GRM7: variants seen among roughly 807,000 people sequenced by gnomAD.
GRM7 encodes glutamate metabotropic receptor 7, also known as metabotropic glutamate receptor 7.
GRM7 carries 35 observed loss-of-function variants against 84.5 expected under a neutral mutation model. The ratio of observed to expected loss-of-function variants is 0.41; its 90% confidence interval spans 0.32 to 0.55. The LOEUF is 0.55. Ranked by LOEUF, GRM7 falls within the 20% of genes least tolerant of loss-of-function variation. The pLI, the probability that GRM7 is intolerant of heterozygous loss-of-function variation, is 0.19. For synonymous variants in GRM7, 487 were observed against 455.1 expected (o/e 1.07, Z -0.89); for missense variants, 1,003 against 1,194.6 (o/e 0.84, Z 2.36).
chr3:7,038,497 TCCTCA>T (rs1696467986), intron 1 of GRM7, among the ~76,000 whole-genome samples: 2 of 152,066 alleles, frequency 1.3e-5, no homozygotes, highest in African/African-American at 4.8e-5. Flanking sequence ...CCTATGAAAA[TCCTCA>T]GCTTTAAGTG....
intron 1 of GRM7, among the ~76,000 whole-genome samples, chr3:7,085,769 T>C (rs1457193013): frequency 6.6e-6 from 1 of 152,068 alleles, no homozygotes; most frequent in African/African-American, 2.4e-5. Context: ...TAGAAAAATA[T>C]GCACACCCTT....
chr3:7,444,394 A>AGGAAAT (rs1697418733), intron 5 of GRM7, among the ~76,000 whole-genome samples: 1 of 152,216 alleles, frequency 6.6e-6, no homozygotes, highest in South Asian at 2.1e-4. Context: ...GCTTAGGAGA[A>AGGAAAT]GGAAATCTAT....
intron 1 of GRM7, among the ~76,000 whole-genome samples, chr3:7,015,032 C>A (rs182032921): frequency 6.6e-6 from 1 of 152,060 alleles, no homozygotes; most frequent in East Asian, 1.9e-4. Flanking sequence ...TAGAATGGAC[C>A]GATCAGCACT....
intron 4 of GRM7, among the ~76,000 whole-genome samples, chr3:7,337,153 A>G (rs2125073396): frequency 6.6e-6 from 1 of 152,242 alleles, no homozygotes; most frequent in South Asian, 2.1e-4. Flanking sequence ...AAAGCAAACA[A>G]ACATAAAATG....
At chr3:7,442,104 C>G (rs78709662) in intron 5 of GRM7, among the ~76,000 whole-genome samples, 440 of 151,982 alleles carry the variant, frequency 2.9e-3, no homozygotes, top group East Asian at 0.02. Flanking sequence ...TTGATTCTTC[C>G]TATTCATGGA....
intron 1 of GRM7, among the ~76,000 whole-genome samples, chr3:7,094,644 A>G (rs1698790252): frequency 6.6e-6 from 1 of 152,204 alleles, no homozygotes; most frequent in African/African-American, 2.4e-5. Flanking sequence ...TTCATAGGCA[A>G]TAGAACTATG....
At chr3:6,893,340 A>G (rs1196281846) in intron 1 of GRM7, among the ~76,000 whole-genome samples, 1 of 152,170 alleles carries the variant, frequency 6.6e-6, no homozygotes, top group East Asian at 1.9e-4. Flanking sequence ...TAATATTAAT[A>G]TAAAGTAAAT....
intron 1 of GRM7, among the ~76,000 whole-genome samples, chr3:6,900,385 C>T (rs9856655): frequency 2.5e-4 from 38 of 151,944 alleles, no homozygotes; most frequent in Admixed American, 2.6e-4. Context: ...AACCATCTGG[C>T]GAATAATACA....
intron 1 of GRM7, among the ~76,000 whole-genome samples, chr3:7,014,861 G>T (rs1252262910): frequency 2.0e-5 from 3 of 152,142 alleles, no homozygotes; most frequent in Admixed American, 6.6e-5. Context: ...GAACTTTTCT[G>T]TCTTACAAGA....
At chr3:7,040,061 T>G (rs1023179140) in intron 1 of GRM7, among the ~76,000 whole-genome samples, 47 of 152,188 alleles carry the variant, frequency 3.1e-4, no homozygotes, top group Non-Finnish European at 1.3e-4. Flanking sequence ...CCCATAGCCC[T>G]TGTGTAGTTC....
intron 2 of GRM7, among the ~76,000 whole-genome samples, chr3:7,227,032 A>C (rs1697005680): frequency 6.6e-6 from 1 of 152,138 alleles, no homozygotes; most frequent in Non-Finnish European, 1.5e-5. Flanking sequence ...AATTAACTAG[A>C]GATTAGAAGA....
At chr3:7,302,353 T>G (rs1243069509) in intron 3 of GRM7, among the ~76,000 whole-genome samples, 1 of 152,162 alleles carries the variant, frequency 6.6e-6, no homozygotes, top group African/African-American at 2.4e-5. Context: ...TATTATAGAT[T>G]AATCATTTCA....
chr3:7,321,545 C>A (rs1700782486), intron 4 of GRM7, among the ~76,000 whole-genome samples: 1 of 151,668 alleles, frequency 6.6e-6, no homozygotes, highest in Non-Finnish European at 1.5e-5. Flanking sequence ...CACAGTAGAA[C>A]AAAATTTATC....
chr3:7,487,375 C>G (rs1235012544), intron 7 of GRM7, among the ~76,000 whole-genome samples: 1 of 152,112 alleles, frequency 6.6e-6, no homozygotes, highest in African/African-American at 2.4e-5. Context: ...CAACAAGTTG[C>G]TAGATATTAG....
rs1417917551 is a variant in GRM7 at position 6,967,603 on chromosome 3, TA to T, written c.519+105697del. ...GTAATATACATCATAAATTATCATATATTTTCAGTCTTTATGAAGAAGAATA... is the reference window on the plus strand; with the variant it reads ...GTAATATACATCATAAATTATCATATTTTTCAGTCTTTATGAAGAAGAATA... On this transcript the variant is annotated intron_variant, in intron 1 of 9. Coordinates refer to ENST00000357716, the MANE Select transcript of GRM7 (RefSeq NM_000844.4). Among the ~76,000 whole-genome samples, 4 of 152,364 alleles carry T rather than the reference TA, an allele frequency of 2.6e-5. No homozygotes were observed. The East Asian group carries it at 5.8e-4, about 22-fold the overall frequency.
chr3:7,326,394 G>A (rs1700989529), intron 4 of GRM7, among the ~76,000 whole-genome samples: 1 of 152,100 alleles, frequency 6.6e-6, no homozygotes, highest in South Asian at 2.1e-4. Context: ...TACATAGCAA[G>A]TGATTATAGC....
At chr3:7,159,093 A>G (rs1694543132) in intron 2 of GRM7, among the ~76,000 whole-genome samples, 1 of 152,216 alleles carries the variant, frequency 6.6e-6, no homozygotes, top group South Asian at 2.1e-4. Flanking sequence ...TATCCAATAC[A>G]TGAAGTAGAT....
intron 2 of GRM7, among the ~76,000 whole-genome samples, chr3:7,224,595 G>T (rs1242593657): frequency 6.6e-6 from 1 of 152,148 alleles, no homozygotes; most frequent in Non-Finnish European, 1.5e-5. Flanking sequence ...TAAGAGAAAT[G>T]AGGAGCTTAG....
intron 1 of GRM7, among the ~76,000 whole-genome samples, chr3:6,927,459 GAGAGAGAA>G (rs1451307507): frequency 8.6e-5 from 4 of 46,364 alleles, no homozygotes; most frequent in African/African-American, 1.9e-4. Flanking sequence ...GAAAGAAAGA[GAGAGAGAA>G]AGAAAGAAAG....
Sources: gnomAD v4.1 joint callset for allele counts (sites outside exome capture counted in the v4.1 genomes callset) on GRCh38, gnomAD v4.1.1 for gene constraint, MANE v1.5 for transcripts, NCBI Gene and HGNC (gene_info 2026-07-23, HGNC 2026-07-21) for gene names.